NEK8: variants seen among roughly 807,000 people sequenced by gnomAD.
NEK8 encodes NIMA related kinase 8.
A neutral mutation model predicts 77.2 loss-of-function variants in NEK8; 51 were observed. The ratio of observed to expected loss-of-function variants is 0.66; its 90% CI spans 0.53 to 0.83. The LOEUF is 0.83. Among genes scored for constraint, NEK8 ranks in the 40% least tolerant of loss-of-function variants. NEK8 has a pLI of 0.00. For synonymous variants in NEK8, 365 were observed against 363.2 expected, an observed-to-expected ratio of 1.00 and a Z score of -0.06; for missense variants, 787 against 909.2, an observed-to-expected ratio of 0.87 and a Z score of 1.73.
At position 28,728,794 on chromosome 17, in the gene NEK8, G is replaced by A. The variant is rs2034275360; in HGVS notation, c.-20G>A. ...CGCACGCGCCGCGTGGGGGACGGAA[G>A]TGAAACTCTAAGAAATGAGATGGAG... On this transcript the variant is annotated 5_prime_UTR_variant, in exon 1 of 15. The change creates a new upstream start codon in the 5' untranslated region. Transcript: ENST00000268766. The A allele has an allele frequency of 6.4e-7, 1 of 1,550,708 alleles. No homozygotes were observed. Among genetic ancestry groups the A allele is most frequent in the Non-Finnish European group, 8.7e-7 (1 of 1,146,224 alleles).
In NEK8 at chr17:28,734,974, G is replaced by A. The variant is rs1330602104; in HGVS notation, c.456G>A (p.Lys152=). The A allele has an allele frequency of 2.5e-6, 4 of 1,613,002 alleles. No individual in the cohort carries two copies. Among genetic ancestry groups the A allele is most frequent in the Admixed American group, 1.7e-5 (1 of 60,012 alleles). The change falls in exon 3 of 15, where the codon AAG becomes AAA. Residue 152 remains lysine, a synonymous_variant. Transcript: ENST00000268766. The part of the protein sequence containing the change: ...VVKIGDFGIS[K]ILSSKSKAYT... ...AGATCGGTGATTTCGGCATCTCCAA[G>A]ATCCTTAGCAGCAAGAGCAAGGCCT...
Position 28,741,673 on chromosome 17 carries a change from T to G in NEK8, c.2050+102T>G. 1 of 1,358,430 alleles carries G rather than the reference T, an allele frequency of 7.4e-7. No individual in the cohort carries two copies. The highest frequency in any genetic ancestry group is 1.4e-5 in the African/African-American group (1 of 70,174). The allele number at this position is 1,358,430 out of a possible 1,614,324, so 84.1% of individuals were successfully genotyped here. On this transcript the variant is annotated intron_variant, in intron 14 of 14. Coordinates refer to ENST00000268766, the MANE Select transcript of NEK8 (RefSeq NM_178170.3). The surrounding 1 kb of genome is among the most constrained non-coding windows in gnomAD (Gnocchi z 4.5). ...ATGGCCACATCACCAAAAGCATCTT[T>G]AGCCCCCAGATAAAAAAAGCAGAAG...
chr17:28,734,868 A>G lies in NEK8; in HGVS notation c.350A>G (p.His117Arg). 3 of 1,613,884 alleles carry G rather than the reference A, an allele frequency of 1.9e-6. No individual in the cohort carries two copies. Among genetic ancestry groups the G allele is most frequent in the Non-Finnish European group, 2.5e-6 (3 of 1,179,976 alleles). Residue 117 changes from histidine to arginine, a missense_variant, in exon 3 of 15, where the codon CAT becomes CGT. His to Arg is a conservative substitution (Grantham distance 29). Around this residue, in one of 2 missense-constraint regions of NEK8, gnomAD observed 271 missense variants for 365.1 expected, o/e 0.74. Coordinates refer to ENST00000268766, the MANE Select transcript of NEK8 (RefSeq NM_178170.3). ...TTCGTGCAGATCCTGCTTGCACTGC[A>G]TCATGTGCACACCCACCTCATCCTG... is the stretch of plus-strand genomic sequence containing the variant. ...HFFVQILLAL[H>R]HVHTHLILHR... is the part of the protein sequence containing the mutation.
chr17:28,732,737 A>G lies in NEK8; in HGVS notation c.48-1246A>G, dbSNP rs1432457405. Among the ~76,000 whole-genome samples the G allele has an allele frequency of 2.0e-5, 3 of 151,702 alleles. No individual in the cohort carries two copies. The East Asian group carries it at 5.8e-4, about 29-fold the overall frequency. On this transcript the variant is annotated intron_variant, in intron 1 of 14. Transcript: ENST00000268766. ...CAGCTAATTTTTGTATTTTGGGTGG[A>G]GATGGGGTTTCACCATTTTGGCCAG...
intron 10 of NEK8, 71 bp downstream of exon 10, chr17:28,739,272 T>G (rs1237635045): frequency 9.5e-6 from 9 of 946,516 alleles, no homozygotes; most frequent in Non-Finnish European, 1.6e-5. Context: ...ATACCCACCT[T>G]CCACCTCACA....
Position 28,735,032 on chromosome 17 carries a change from G to A in NEK8, c.486+28G>A, listed in dbSNP as rs1265675924. The A allele has an allele frequency of 3.2e-6, 5 of 1,571,850 alleles. No individual in the cohort carries two copies. The Admixed American group carries it at 5.0e-5, about 16-fold the overall frequency. ...GCCTGGGCATGGAAGGGACCTCCAG[G>A]GCACTAGAAGTCTTGAGGGCCAGGA... On this transcript the variant is annotated intron_variant, in intron 3 of 14. Coordinates refer to ENST00000268766, the MANE Select transcript of NEK8 (RefSeq NM_178170.3).
chr17:28,742,294 C>G lies in NEK8; in HGVS notation c.*307C>G, dbSNP rs1321319162. The stretch of plus-strand genomic sequence containing the variant: ...AGCAGGGTGGCCTCCAGAGCCTTGC[C>G]ATAAAAAGGCTGAAGGCAGCCGGGC... On this transcript the variant is annotated 3_prime_UTR_variant, in exon 15 of 15. Transcript: ENST00000268766. 2 of 515,180 alleles carry G rather than the reference C, an allele frequency of 3.9e-6. No homozygotes were observed. Among genetic ancestry groups the G allele is most frequent in the Non-Finnish European group, 7.0e-6 (2 of 283,712 alleles). The allele number at this position is 515,180 out of a possible 1,614,324, so 31.9% of individuals were successfully genotyped here.
In NEK8 at chr17:28,737,545, C is replaced by A; in HGVS notation, c.827+31C>A. ...TGCAGGGACAGCGAGCGGTCCTGGG[C>A]GGCAGGGTGTGGGCACCCAGTGGGA... On this transcript the variant is annotated intron_variant, in intron 5 of 14. Coordinates refer to ENST00000268766, the MANE Select transcript of NEK8 (RefSeq NM_178170.3). This position sits in a 1 kb window ranked among gnomAD's most constrained non-coding sequence, Gnocchi z 4.8. The A allele has an allele frequency of 6.2e-7, 1 of 1,612,512 alleles. No individual in the cohort carries two copies. Among genetic ancestry groups the A allele is most frequent in the Non-Finnish European group, 8.5e-7 (1 of 1,179,414 alleles).
Position 28,740,876 on chromosome 17 carries a change from C to T in NEK8, c.1623C>T (p.His541=). ...CCCTGGGGGAGGAGCCTGTCCCCCA[C>T]CAGCAAGTGGAGGAGGCCCTGAGCT... ...HLSLGEEPVP[H]QQVEEALSFT... The change falls in exon 12 of 15, where the codon CAC becomes CAT. Residue 541 remains histidine (H), a synonymous_variant. Transcript: ENST00000268766. The surrounding 1 kb of genome is among the most constrained non-coding windows in gnomAD (Gnocchi z 4.7). 6.2e-7 allele frequency: 1 copy of T among 1,614,156 alleles called. No individual in the cohort carries two copies. The highest frequency in any genetic ancestry group is 8.5e-7 in the Non-Finnish European group (1 of 1,180,030).
Position 28,738,269 on chromosome 17 carries a change from G to A in NEK8, c.1222+24G>A, listed in dbSNP as rs773847705. 4 of 1,613,908 alleles carry A rather than the reference G, an allele frequency of 2.5e-6. No individual in the cohort carries two copies. The East Asian group carries it at 6.7e-5, about 27-fold the overall frequency. ...TGGTGAGTTGTCGGGCCTACCTTGT[G>A]GGACCTGCTCTGAGGCCCCACAGAG... On this transcript the variant is annotated intron_variant, in intron 8 of 14. Transcript: ENST00000268766.
At position 28,741,884 on chromosome 17, in the gene NEK8, G is replaced by C; in HGVS notation, c.2051-75G>C. On this transcript the variant is annotated intron_variant, in intron 14 of 14. Coordinates refer to ENST00000268766, the MANE Select transcript of NEK8 (RefSeq NM_178170.3). The surrounding 1 kb of genome is among the most constrained non-coding windows in gnomAD (Gnocchi z 4.5). ...GGGTCCAGAATCCAGGGCCCAGTGG[G>C]AGTGGGAGGTGGGTGATGATTTCTG... is the stretch of plus-strand genomic sequence containing the variant. 1 of 1,475,748 alleles carries C rather than the reference G, an allele frequency of 6.8e-7. No homozygotes were observed. The highest frequency in any genetic ancestry group is 9.5e-7 in the Non-Finnish European group (1 of 1,053,648). The allele number at this position is 1,475,748 out of a possible 1,614,324, so 91.4% of individuals were successfully genotyped here.
At chr17:28,731,166 G>A (rs1301353262) in intron 1 of NEK8, among the ~76,000 whole-genome samples, 1 of 152,116 alleles carries the variant, frequency 6.6e-6, no homozygotes, top group Non-Finnish European at 1.5e-5. Flanking sequence ...GAACCTGGAA[G>A]GCAGAGGTTG....
At position 28,734,875 on chromosome 17, in the gene NEK8, G is replaced by A. The variant is rs1413428701; in HGVS notation, c.357G>A (p.Val119=). ...AGATCCTGCTTGCACTGCATCATGT[G>A]CACACCCACCTCATCCTGCACCGAG... ...FVQILLALHH[V]HTHLILHRDL... is the part of the protein sequence containing the mutation. Residue 119 remains valine (V), a synonymous_variant, in exon 3 of 15, where the codon GTG becomes GTA. Coordinates refer to ENST00000268766, the MANE Select transcript of NEK8 (RefSeq NM_178170.3). 6.2e-7 allele frequency: 1 copy of A among 1,613,702 alleles called. No homozygotes were observed. Among genetic ancestry groups the A allele is most frequent in the Non-Finnish European group, 8.5e-7 (1 of 1,179,944 alleles).
In NEK8 at chr17:28,742,007, G is replaced by C. The variant is rs1463275737; in HGVS notation, c.*20G>C. 1.2e-6 allele frequency: 2 copies of C among 1,612,378 alleles called. No homozygotes were observed. Among genetic ancestry groups the C allele is most frequent in the Non-Finnish European group, 1.7e-6 (2 of 1,178,600 alleles). On this transcript the variant is annotated 3_prime_UTR_variant, in exon 15 of 15. Coordinates refer to ENST00000268766, the MANE Select transcript of NEK8 (RefSeq NM_178170.3). ...CCCTGAGGCACCCGGATTCACCTCTGGACCACCCTGATATTGCTTCTCCTC... is the reference window on the plus strand; with the variant it reads ...CCCTGAGGCACCCGGATTCACCTCTCGACCACCCTGATATTGCTTCTCCTC...
chr17:28,741,478 G>C lies in NEK8; in HGVS notation c.1957G>C (p.Gly653Arg), dbSNP rs756405390. 1.7e-5 allele frequency: 27 copies of C among 1,614,130 alleles called. No homozygotes were observed. The South Asian group carries it at 3.0e-4, about 18-fold the overall frequency. The change falls in exon 14 of 15, where the codon GGA (glycine) becomes CGA (arginine). Residue 653 changes from glycine to arginine, a missense_variant. By Grantham distance (125) the Gly-to-Arg change is moderately radical. Transcript: ENST00000268766. This position sits in a 1 kb window ranked among gnomAD's most constrained non-coding sequence, Gnocchi z 4.5. ...GRLGRRDEDA[G>R]LPRPVQLDET... ...ATTGGGAAGGAGGGATGAGGATGCC[G>C]GACTCCCTCGGCCAGTGCAGTTGGA...
intron 4 of NEK8, among the ~76,000 whole-genome samples, chr17:28,735,920 T>TTCCCCC (rs1456341455): frequency 7.6e-6 from 1 of 131,384 alleles, no homozygotes; most frequent in Non-Finnish European, 1.6e-5. Context: ...ATGCTATCCC[T>TTCCCCC]TCCCCCTCCC....
rs756063753 is a variant in NEK8, at chr17:28,738,668, C to A, written c.1223-3C>A. 1 of 1,613,794 alleles carries A rather than the reference C, an allele frequency of 6.2e-7. No homozygotes were observed. The highest frequency in any genetic ancestry group is 1.7e-5 in the Admixed American group (1 of 60,030). On this transcript the variant is annotated splice_region_variant and splice_polypyrimidine_tract_variant and intron_variant, in intron 8 of 14. Transcript: ENST00000268766. ...TCTCCTTCCTCACTGCCCTTCTCCC[C>A]AGACAGAGGCATCATCATGACATTC...
intron 1 of NEK8, among the ~76,000 whole-genome samples, chr17:28,729,797 C>T (rs1597803190): frequency 6.6e-6 from 1 of 152,256 alleles, no homozygotes; most frequent in African/African-American, 2.4e-5. Context: ...CCGCCCGCGC[C>T]GGCCTCCCTA....
rs1029150461 is a variant in NEK8, at chr17:28,742,859, G to A, written c.*872G>A. 4 of 151,844 alleles carry A rather than the reference G, an allele frequency of 2.6e-5. No individual in the cohort carries two copies. Among genetic ancestry groups the A allele is most frequent in the African/African-American group, 9.7e-5 (4 of 41,348 alleles). 9.4% of individuals were successfully genotyped at this position (151,844 alleles called of 1,614,324 possible). A position where few individuals can be genotyped will look rare whatever the true frequency, so the allele number is the denominator to read the frequency against. ...AGGCCAAGGCGGGCGGATCACTTGAGGTCAGTAGACTGAGGCCAGCCTGGC... is the reference window on the plus strand; with the variant it reads ...AGGCCAAGGCGGGCGGATCACTTGAAGTCAGTAGACTGAGGCCAGCCTGGC... On this transcript the variant is annotated 3_prime_UTR_variant, in exon 15 of 15. Coordinates refer to ENST00000268766, the MANE Select transcript of NEK8 (RefSeq NM_178170.3).
Sources: gnomAD v4.1 joint callset for allele counts (sites outside exome capture counted in the v4.1 genomes callset) on GRCh38, gnomAD v4.1.1 for gene constraint, gnomAD v4.1.1 regional missense constraint, Gnocchi (gnomAD v3.1) non-coding constraint, MANE v1.5 for transcripts, NCBI Gene and HGNC (gene_info 2026-07-23, HGNC 2026-07-21) for gene names.